CERK: variants seen among roughly 807,000 people sequenced by gnomAD.
CERK encodes acylsphingosine kinase.
Under a neutral mutation model 63.4 loss-of-function variants are expected in CERK, and 39 were observed. That is an observed-to-expected ratio of 0.61 (90% CI 0.48 to 0.80). The LOEUF is 0.80. Among genes scored for constraint, CERK ranks in the 30% least tolerant of loss-of-function variants. The probability of loss-of-function intolerance (pLI) is 0.00; values close to 1 mark genes in which losing one functional copy is unlikely to be tolerated. For synonymous variants in CERK, 302 were observed against 280.0 expected, an observed-to-expected ratio of 1.08 and a Z score of -0.78; for missense variants, 670 against 714.1, an observed-to-expected ratio of 0.94 and a Z score of 0.70.
intron 3 of CERK, among the ~76,000 whole-genome samples, chr22:46,717,908 C>G (rs900029510): frequency 4.4e-5 from 5 of 114,488 alleles, no homozygotes; most frequent in Admixed American, 1.5e-4. Flanking sequence ...CGGCGAAACT[C>G]TGTCTCTACA....
intron 12 of CERK, among the ~76,000 whole-genome samples, chr22:46,688,668 G>A (rs546910631): frequency 1.1e-4 from 16 of 152,346 alleles, no homozygotes; most frequent in South Asian, 6.2e-4. Context: ...ACAGAGATGC[G>A]TGCATCCTCT....
chr22:46,716,824 C>T (rs1383947698), intron 3 of CERK, among the ~76,000 whole-genome samples: 1 of 151,994 alleles, frequency 6.6e-6, no homozygotes, highest in Non-Finnish European at 1.5e-5. Context: ...CGCCTGTAGT[C>T]CCAGCTACTC....
At chr22:46,720,614 T>C (rs927634830) in intron 2 of CERK, among the ~76,000 whole-genome samples, 1 of 152,064 alleles carries the variant, frequency 6.6e-6, no homozygotes, top group South Asian at 2.1e-4. Flanking sequence ...GAGAATTGCT[T>C]GAACCCAGGA....
At chr22:46,729,334 G>C (rs1286190335) in intron 1 of CERK, among the ~76,000 whole-genome samples, 1 of 152,132 alleles carries the variant, frequency 6.6e-6, no homozygotes, top group Non-Finnish European at 1.5e-5. Flanking sequence ...ACTCCAGCCT[G>C]GGAAACAGTG....
At chr22:46,701,560 G>T in intron 7 of CERK, 76 bp downstream of exon 7, 1 of 1,277,874 alleles carries the variant, frequency 7.8e-7, no homozygotes, top group Non-Finnish European at 1.1e-6. Context: ...ACACGCGACG[G>T]GGACCAGAGT....
At position 46,734,286 on chromosome 22, in the gene CERK, G is replaced by C. The variant is rs1389500676; in HGVS notation, c.142+3721C>G. ...ATATGACTTAGTAACCAGAAAGAAGGAACTGCTGACATGATGAATCTTAAA... is the reference window on the plus strand; with the variant it reads ...ATATGACTTAGTAACCAGAAAGAAGCAACTGCTGACATGATGAATCTTAAA... On this transcript the variant is annotated intron_variant, in intron 1 of 12. Transcript: ENST00000216264. Among the ~76,000 whole-genome samples, 4 of 151,984 alleles carry C rather than the reference G, an allele frequency of 2.6e-5. 1 individual carries two copies. The highest frequency in any genetic ancestry group is 5.9e-5 in the Non-Finnish European group (4 of 68,016).
intron 8 of CERK, among the ~76,000 whole-genome samples, chr22:46,698,401 C>T (rs2082766883): frequency 6.6e-6 from 1 of 152,262 alleles, no homozygotes; most frequent in African/African-American, 2.4e-5. Context: ...AGGGGCTCAA[C>T]AAATACGTGC....
chr22:46,702,243 G>GTA (rs1569322068), intron 6 of CERK, among the ~76,000 whole-genome samples: 2 of 148,598 alleles, frequency 1.3e-5, no homozygotes, highest in Admixed American at 1.3e-4. Flanking sequence ...GTGTGTGTGT[G>GTA]TGTGTGTGTG....
intron 3 of CERK, among the ~76,000 whole-genome samples, chr22:46,718,923 C>G (rs1452241559): frequency 6.6e-6 from 1 of 152,022 alleles, no homozygotes; most frequent in Non-Finnish European, 1.5e-5. Flanking sequence ...AAAAAATTAG[C>G]CAGGCGTGGT....
At chr22:46,701,488 G>A (rs573865652) in intron 7 of CERK, 148 bp downstream of exon 7, 65 of 631,920 alleles carry the variant, frequency 1.0e-4, no homozygotes, top group East Asian at 1.5e-4. Flanking sequence ...GGATCACAGC[G>A]CAGCGAGCAG....
Position 46,690,142 on chromosome 22 carries a change from T to C in CERK, c.1391A>G (p.His464Arg). 1.9e-6 allele frequency: 3 copies of C among 1,614,090 alleles called. No individual in the cohort carries two copies. Among genetic ancestry groups the C allele is most frequent in the Non-Finnish European group, 2.5e-6 (3 of 1,180,012 alleles). ...GAGGTCGCTGTCCTCATCCTCCATG[T>C]GCTTCGACGTAAACTGGAATTTCTT... ...RVKKFQFTSK[H>R]MEDEDSDLKE... is the part of the protein sequence containing the mutation. Residue 464 changes from histidine (H) to arginine (R), a missense_variant, in exon 12 of 13, where the codon CAC (histidine) becomes CGC (arginine). Physicochemically the swap from His to Arg is conservative, Grantham distance 29. Coordinates refer to ENST00000216264, the MANE Select transcript of CERK (RefSeq NM_022766.6).
chr22:46,719,336 A>T lies in CERK; in HGVS notation c.379+750T>A, dbSNP rs188519158. On this transcript the variant is annotated intron_variant, in intron 3 of 12. Coordinates refer to ENST00000216264, the MANE Select transcript of CERK (RefSeq NM_022766.6). ...AAGTCTTGTTACTCAGCATGCAATA[A>T]CTAACCCACCAGGCTCCAGGCTCCT... 2.6e-4 allele frequency among the ~76,000 whole-genome samples: 39 copies of T among 152,092 alleles called. 1 individual carries two copies. The highest frequency in any genetic ancestry group is 4.4e-5 in the Non-Finnish European group (3 of 67,994).
At chr22:46,711,241 T>C (rs2146568654) in intron 4 of CERK, 92 bp from the exon 5 acceptor site, 5 of 917,042 alleles carry the variant, frequency 5.5e-6, no homozygotes, top group East Asian at 2.4e-5. Flanking sequence ...AATGAGTTCC[T>C]GTAACACCTT....
At chr22:46,709,771 G>A (rs149864045) in intron 5 of CERK, among the ~76,000 whole-genome samples, 2 of 152,284 alleles carry the variant, frequency 1.3e-5, no homozygotes, top group East Asian at 3.9e-4. Flanking sequence ...GAAATTTTAA[G>A]CATAAAGAAC....
chr22:46,729,416 AT>A (rs1198005307), intron 1 of CERK, among the ~76,000 whole-genome samples: 3 of 151,930 alleles, frequency 2.0e-5, no homozygotes, highest in Non-Finnish European at 2.9e-5. Flanking sequence ...TTTTTTATTA[AT>A]TTTTTTTAAG....
At chr22:46,726,506 G>A (rs1190745364) in intron 1 of CERK, among the ~76,000 whole-genome samples, 1 of 152,178 alleles carries the variant, frequency 6.6e-6, no homozygotes, top group East Asian at 1.9e-4. Context: ...AGCAGTAAGG[G>A]TCACCCCAGA....
At chr22:46,709,940 G>A (rs11913160) in intron 5 of CERK, among the ~76,000 whole-genome samples, 21,755 of 152,126 alleles carry the variant, frequency 0.14, 5,138 homozygotes, top group African/African-American at 0.49. Context: ...TGTTGGATAA[G>A]AGAACAAATG....
At position 46,699,289 on chromosome 22, in the gene CERK, C is replaced by T. The variant is rs201337713; in HGVS notation, c.943+24G>A. On this transcript the variant is annotated intron_variant, in intron 8 of 12. Transcript: ENST00000216264. ...CAGTCGGGGCACGACCAGCGGGGAGCGAGTCTGCATTATTCTGAGTTACCT... is the reference window on the plus strand; with the variant it reads ...CAGTCGGGGCACGACCAGCGGGGAGTGAGTCTGCATTATTCTGAGTTACCT... The T allele has an allele frequency of 2.6e-4, 420 of 1,611,766 alleles. No individual in the cohort carries two copies. In the African/African-American group the frequency reaches 4.1e-3, roughly 16 times the overall value.
intron 8 of CERK, among the ~76,000 whole-genome samples, chr22:46,696,856 T>C (rs573941100): frequency 6.6e-5 from 10 of 151,412 alleles, no homozygotes; most frequent in South Asian, 2.1e-4. Flanking sequence ...GGGCCAGGCA[T>C]GCAGGGGGGC....
Sources: allele counts gnomAD v4.1 joint callset (sites outside exome capture counted in the v4.1 genomes callset), GRCh38; gene constraint gnomAD v4.1.1; transcripts MANE v1.5; gene names NCBI Gene and HGNC (gene_info 2026-07-23, HGNC 2026-07-21).